The following CLNK variants were observed in gnomAD, a reference collection of about 807,000 sequenced individuals.
CLNK encodes the protein cytokine dependent hematopoietic cell linker.
Under a neutral mutation model 68.6 loss-of-function variants are expected in CLNK, and 74 were observed. The ratio of observed to expected loss-of-function variants is 1.08; its 90% CI spans 0.89 to 1.31. The LOEUF (loss-of-function observed/expected upper bound fraction) is 1.31. Among genes scored for constraint, CLNK ranks in the 50% most tolerant of loss-of-function variants. The pLI, the probability that CLNK is intolerant of heterozygous loss-of-function variation, is 0.00. For missense variants in CLNK, 553 were observed against 515.3 expected (o/e 1.07, Z -0.71); for synonymous variants, 198 against 172.2 (o/e 1.15, Z -1.17).
intron 2 of CLNK, among the ~76,000 whole-genome samples, chr4:10,599,121 C>A (rs1721491870): frequency 6.6e-6 from 1 of 152,228 alleles, no homozygotes; most frequent in Non-Finnish European, 1.5e-5. Context: ...TAACTGGTAA[C>A]TTGTGTTCAC....
At chr4:10,544,299 T>A (rs1479748484) in intron 8 of CLNK, among the ~76,000 whole-genome samples, 1 of 152,242 alleles carries the variant, frequency 6.6e-6, no homozygotes, top group Non-Finnish European at 1.5e-5. Context: ...TATCTTCTTT[T>A]ATTTCATTGA....
chr4:10,612,459 T>C (rs1046479170), intron 2 of CLNK, among the ~76,000 whole-genome samples: 2 of 152,250 alleles, frequency 1.3e-5, no homozygotes, highest in Non-Finnish European at 2.9e-5. Context: ...GGTTAAGCCA[T>C]ATTTCTACTT....
intron 11 of CLNK, among the ~76,000 whole-genome samples, chr4:10,534,838 T>C (rs577489121): frequency 1.3e-4 from 20 of 152,280 alleles, no homozygotes; most frequent in African/African-American, 4.6e-4. Context: ...TAGCAACAAC[T>C]TGGAAAACAA....
intron 12 of CLNK, among the ~76,000 whole-genome samples, chr4:10,528,403 C>T (rs1718406209): frequency 6.6e-6 from 1 of 152,178 alleles, no homozygotes; most frequent in Non-Finnish European, 1.5e-5. Flanking sequence ...TTATTCTTAT[C>T]TCAATAATTC....
chr4:10,652,905 G>A lies in CLNK; in HGVS notation c.11+14954C>T, dbSNP rs144856468. On this transcript the variant is annotated intron_variant, in intron 2 of 18. Coordinates refer to ENST00000226951, the MANE Select transcript of CLNK (RefSeq NM_052964.4). Reference sequence around the variant, plus strand: ...ACACATGCACATGTATGTTTATTGCGGCACTGTTCACAACAGCAAAGACTT... The same window carrying A: ...ACACATGCACATGTATGTTTATTGCAGCACTGTTCACAACAGCAAAGACTT... 4.2e-3 allele frequency among the ~76,000 whole-genome samples: 632 copies of A among 152,022 alleles called. 5 individuals are homozygous for A. Among genetic ancestry groups the A allele is most frequent in the African/African-American group, 0.014 (594 of 41,466 alleles).
In CLNK at chr4:10,544,623, C is replaced by T. The variant is rs531748536; in HGVS notation, c.446-2343G>A. Among the ~76,000 whole-genome samples, 12 of 152,122 alleles carry T rather than the reference C, an allele frequency of 7.9e-5. 1 individual carries two copies. Among genetic ancestry groups the T allele is most frequent in the South Asian group, 4.1e-4 (2 of 4,820 alleles). The stretch of plus-strand genomic sequence containing the variant: ...GATGAAATCAGAGGCCTGAGGACAG[C>T]GAGGGAGCATGTCCTGTGGATATCT... On this transcript the variant is annotated intron_variant, in intron 8 of 18. Coordinates refer to ENST00000226951, the MANE Select transcript of CLNK (RefSeq NM_052964.4).
At chr4:10,588,193 G>A (rs549294557) in intron 3 of CLNK, among the ~76,000 whole-genome samples, 7 of 152,262 alleles carry the variant, frequency 4.6e-5, no homozygotes, top group East Asian at 3.9e-4. Context: ...CAACGCAGGC[G>A]GCATGCAAAT....
the CLNK span, among the ~76,000 whole-genome samples, chr4:10,700,503 T>C: frequency 6.6e-6 from 1 of 152,210 alleles, no homozygotes; most frequent in Non-Finnish European, 1.5e-5. Flanking sequence ...AATCTTTACC[T>C]CATTCAAATC....
intron 12 of CLNK, 137 bp downstream of exon 12, chr4:10,532,119 A>G: frequency 1.4e-6 from 1 of 731,104 alleles, no homozygotes; most frequent in Admixed American, 2.1e-5. Flanking sequence ...TTTAAAATAG[A>G]GATACTAATG....
At chr4:10,580,690 A>G (rs1034154218) in intron 4 of CLNK, among the ~76,000 whole-genome samples, 1 of 152,174 alleles carries the variant, frequency 6.6e-6, no homozygotes, top group African/African-American at 2.4e-5. Context: ...ATTCTTCTGG[A>G]ATAAGGACGT....
intron 5 of CLNK, among the ~76,000 whole-genome samples, chr4:10,567,021 T>C (rs1420668966): frequency 6.8e-6 from 1 of 147,950 alleles, no homozygotes; most frequent in African/African-American, 2.5e-5. Flanking sequence ...CTTGTTAAAA[T>C]AGAAATACTT....
At chr4:10,677,999 C>T (rs1359361087) in intron 1 of CLNK, among the ~76,000 whole-genome samples, 2 of 152,154 alleles carry the variant, frequency 1.3e-5, no homozygotes, top group Admixed American at 6.6e-5. Flanking sequence ...TCTTCTGAGC[C>T]AAGCTTGTCC....
intron 11 of CLNK, among the ~76,000 whole-genome samples, chr4:10,535,401 T>C (rs1406564009): frequency 2.0e-5 from 3 of 152,206 alleles, no homozygotes; most frequent in Non-Finnish European, 4.4e-5. Flanking sequence ...TATGGGACAA[T>C]GAACCCTCGA....
At chr4:10,679,828 C>A (rs1725024323) in intron 1 of CLNK, among the ~76,000 whole-genome samples, 1 of 152,256 alleles carries the variant, frequency 6.6e-6, no homozygotes, top group Non-Finnish European at 1.5e-5. Context: ...TACCATCTCA[C>A]ACCAGTTAGA....
intron 11 of CLNK, among the ~76,000 whole-genome samples, chr4:10,538,954 A>G (rs1718908010): frequency 6.6e-6 from 1 of 152,232 alleles, no homozygotes; most frequent in African/African-American, 2.4e-5. Flanking sequence ...TTGGTTAAAA[A>G]TAGGTACTGT....
intron 2 of CLNK, among the ~76,000 whole-genome samples, chr4:10,663,275 G>A (rs1214641613): frequency 6.6e-6 from 1 of 152,214 alleles, no homozygotes; most frequent in Non-Finnish European, 1.5e-5. Context: ...GAAGCTGCAA[G>A]TTTTGTTGCA....
chr4:10,524,252 G>T (rs1032701179), intron 14 of CLNK, among the ~76,000 whole-genome samples: 1 of 152,202 alleles, frequency 6.6e-6, no homozygotes, highest in Admixed American at 6.5e-5. Context: ...ATTACTGAAG[G>T]TGCCAAATGG....
intron 2 of CLNK, among the ~76,000 whole-genome samples, chr4:10,611,425 G>A: frequency 6.6e-6 from 1 of 151,800 alleles, no homozygotes; most frequent in East Asian, 1.9e-4. Context: ...CTGAACCTGG[G>A]AGGTGGAGGT....
intron 12 of CLNK, among the ~76,000 whole-genome samples, chr4:10,530,747 C>A (rs1718501646): frequency 6.6e-6 from 1 of 152,122 alleles, no homozygotes; most frequent in South Asian, 2.1e-4. Context: ...ACTCGAGATA[C>A]CCAGGCCTAG....
Sources: gnomAD v4.1 joint callset for allele counts (sites outside exome capture counted in the v4.1 genomes callset) on GRCh38, gnomAD v4.1.1 for gene constraint, MANE v1.5 for transcripts, NCBI Gene and HGNC (gene_info 2026-07-23, HGNC 2026-07-21) for gene names.